The following SDK1 variants were observed in gnomAD, a reference collection of about 807,000 sequenced individuals.
SDK1 encodes the protein protein sidekick-1.
A neutral mutation model predicts 245.5 loss-of-function variants in SDK1; 157 were observed. That is an observed-to-expected ratio of 0.64 (90% CI 0.56 to 0.73). The LOEUF (loss-of-function observed/expected upper bound fraction) is 0.73, where lower values mean the gene tolerates loss of function less well. Ranked by LOEUF, SDK1 falls within the 30% of genes least tolerant of loss-of-function variation. The probability of loss-of-function intolerance (pLI) is 0.00; values close to 1 mark genes in which losing one functional copy is unlikely to be tolerated. For missense variants in SDK1, 3,583 were observed against 3,002.3 expected (o/e 1.19, Z -4.52); for synonymous variants, 1,647 against 1,278.5 (o/e 1.29, Z -6.15).
intron 29 of SDK1, among the ~76,000 whole-genome samples, chr7:4,148,348 G>C (rs1780127558): frequency 6.6e-6 from 1 of 152,222 alleles, no homozygotes. Context: ...TTCCGCCGCG[G>C]AACTTCTCTG....
At chr7:4,107,146 G>A (rs1782983145) in intron 22 of SDK1, among the ~76,000 whole-genome samples, 1 of 147,752 alleles carries the variant, frequency 6.8e-6, no homozygotes, top group Non-Finnish European at 1.5e-5. Flanking sequence ...GGGAGGGTGG[G>A]GAGGGTGGGG....
intron 43 of SDK1, among the ~76,000 whole-genome samples, chr7:4,245,321 A>G (rs537489340): frequency 1.3e-5 from 2 of 151,318 alleles, no homozygotes; most frequent in African/African-American, 4.9e-5. Flanking sequence ...TCTCCACTGC[A>G]CTCCCCTGCC....
intron 5 of SDK1, among the ~76,000 whole-genome samples, chr7:3,844,747 C>T (rs1780235984): frequency 6.6e-6 from 1 of 152,274 alleles, no homozygotes; most frequent in African/African-American, 2.4e-5. Flanking sequence ...CACTGTTTGC[C>T]CAAGGCCTTG....
chr7:3,769,225 T>C (rs897730150), intron 4 of SDK1, among the ~76,000 whole-genome samples: 2 of 152,182 alleles, frequency 1.3e-5, no homozygotes, highest in African/African-American at 4.8e-5. Flanking sequence ...AGCTGGGTAA[T>C]GTATGAAGAA....
intron 5 of SDK1, among the ~76,000 whole-genome samples, chr7:3,880,803 T>G (rs1781190773): frequency 6.6e-6 from 1 of 152,116 alleles, no homozygotes; most frequent in South Asian, 2.1e-4. Context: ...TCGCACAGCT[T>G]TGCCGGCTGT....
At chr7:4,261,621 C>T (rs987427998) in intron 44 of SDK1, among the ~76,000 whole-genome samples, 1 of 152,164 alleles carries the variant, frequency 6.6e-6, no homozygotes, top group African/African-American at 2.4e-5. Context: ...CCCCGGCCTC[C>T]GACAGACCCA....
intron 4 of SDK1, among the ~76,000 whole-genome samples, chr7:3,816,043 C>A (rs1376509771): frequency 7.0e-6 from 1 of 141,908 alleles, no homozygotes; most frequent in East Asian, 2.0e-4. Context: ...TTCTTTGAAA[C>A]CAACGAGAAC....
chr7:3,390,255 C>A (rs568880071), intron 1 of SDK1, among the ~76,000 whole-genome samples: 1 of 152,282 alleles, frequency 6.6e-6, no homozygotes, highest in East Asian at 1.9e-4. Context: ...ACAAACTATA[C>A]TTTGAATAGC....
chr7:4,154,617 C>A (rs998508318), intron 30 of SDK1, among the ~76,000 whole-genome samples: 49 of 152,110 alleles, frequency 3.2e-4, no homozygotes, highest in Admixed American at 2.0e-4. Context: ...CTGCTGTGTG[C>A]CACGATCCAC....
Position 3,426,761 on chromosome 7 carries a change from G to A in SDK1, c.298+124877G>A, listed in dbSNP as rs533706800. Among the ~76,000 whole-genome samples, 4 of 152,236 alleles carry A rather than the reference G, an allele frequency of 2.6e-5. No homozygotes were observed. In the East Asian group the frequency reaches 5.8e-4, roughly 22 times the overall value. ...TTTAACTCTCAAATAAATTAATTCCGTTTATTCTTTTAGTCAAATTTTACT... is the reference window on the plus strand; with the variant it reads ...TTTAACTCTCAAATAAATTAATTCCATTTATTCTTTTAGTCAAATTTTACT... On this transcript the variant is annotated intron_variant, in intron 1 of 44. Transcript: ENST00000404826.
chr7:3,789,538 G>C (rs781355567), intron 4 of SDK1, among the ~76,000 whole-genome samples: 3 of 152,108 alleles, frequency 2.0e-5, no homozygotes, highest in Non-Finnish European at 4.4e-5. Context: ...TTTTGTGTTA[G>C]GTTATTTTAG....
chr7:4,011,697 C>T (rs1272020855), intron 15 of SDK1, among the ~76,000 whole-genome samples: 1 of 152,180 alleles, frequency 6.6e-6, no homozygotes, highest in Non-Finnish European at 1.5e-5. Flanking sequence ...GCTGTAAATG[C>T]CTTTCTTTTT....
rs1245646313 is a variant in SDK1 at position 3,619,185 on chromosome 7, A to T, written c.404A>T (p.Glu135Val). 22 of 1,613,940 alleles carry T rather than the reference A, an allele frequency of 1.4e-5. No individual in the cohort carries two copies. The highest frequency in any genetic ancestry group is 1.7e-5 in the Admixed American group (1 of 60,014). Residue 135 changes from glutamate to valine, a missense_variant, in exon 2 of 45, where the codon GAG (glutamate) becomes GTG (valine). Glu to Val is a moderately radical substitution (Grantham distance 121). Coordinates refer to ENST00000404826, the MANE Select transcript of SDK1 (RefSeq NM_152744.4). The stretch of plus-strand genomic sequence containing the variant: ...CTTGCCGAAGGGAGCTGGCCTTTGG[A>T]GTTCAAGTGGATGCGCGATGACAGT... ...TCLAEGSWPLEFKWMRDDSEL... is the reference protein window; with the variant it reads ...TCLAEGSWPLVFKWMRDDSEL...
chr7:3,430,064 C>G (rs912540616), intron 1 of SDK1, among the ~76,000 whole-genome samples: 2 of 152,184 alleles, frequency 1.3e-5, no homozygotes, highest in Non-Finnish European at 2.9e-5. Context: ...GGAACTCTGC[C>G]TCTCACCTTG....
chr7:3,895,873 A>G (rs550563597), intron 5 of SDK1, among the ~76,000 whole-genome samples: 1 of 152,124 alleles, frequency 6.6e-6, no homozygotes, highest in East Asian at 1.9e-4. Flanking sequence ...GTTAAGTTCT[A>G]ACTCTTTGGC....
chr7:3,399,585 G>C (rs1778826137), intron 1 of SDK1, among the ~76,000 whole-genome samples: 1 of 152,132 alleles, frequency 6.6e-6, no homozygotes, highest in African/African-American at 2.4e-5. Context: ...GTATCATCCT[G>C]TTGATAAGGC....
In SDK1 at chr7:4,120,317, G is replaced by C. The variant is rs77025101; in HGVS notation, c.3823+6043G>C. ...GTAAATAAAACTGAATTCATACCAA[G>C]ATGTATTTGCTACAACTGTAAAATG... On this transcript the variant is annotated intron_variant, in intron 25 of 44. Transcript: ENST00000404826. Among the ~76,000 whole-genome samples the C allele has an allele frequency of 1.0e-3, 151 of 149,088 alleles. 3 individuals carry two copies. Among genetic ancestry groups the C allele is most frequent in the African/African-American group, 3.4e-3 (139 of 40,878 alleles).
intron 4 of SDK1, among the ~76,000 whole-genome samples, chr7:3,757,277 T>A: frequency 6.6e-6 from 1 of 152,252 alleles, no homozygotes. Context: ...GAAGTCACTT[T>A]ACTTACTTCC....
intron 1 of SDK1, among the ~76,000 whole-genome samples, chr7:3,593,063 G>C (rs774433114): frequency 6.6e-6 from 1 of 152,218 alleles, no homozygotes; most frequent in Non-Finnish European, 1.5e-5. Flanking sequence ...ATGCAGAAGA[G>C]AATTTTGCCT....
Sources: allele counts gnomAD v4.1 joint callset (sites outside exome capture counted in the v4.1 genomes callset), GRCh38; gene constraint gnomAD v4.1.1; transcripts MANE v1.5; gene names NCBI Gene and HGNC (gene_info 2026-07-23, HGNC 2026-07-21).